Variants in P2RX1 observed in about 807,000 individuals in gnomAD.
P2RX1 encodes the protein purinergic receptor P2X 1.
P2RX1 carries 42 observed loss-of-function variants against 50.3 expected under a neutral mutation model. That is an observed-to-expected ratio of 0.83 (90% CI 0.65 to 1.08). P2RX1 has a LOEUF of 1.08. Among genes scored for constraint, P2RX1 ranks in the 50% least tolerant of loss-of-function variants. The probability of loss-of-function intolerance (pLI) is 0.00; values close to 1 mark genes in which losing one functional copy is unlikely to be tolerated. For missense variants in P2RX1, 449 were observed against 529.0 expected, an observed-to-expected ratio of 0.85 and a Z score of 1.48; for synonymous variants, 199 against 202.6, an observed-to-expected ratio of 0.98 and a Z score of 0.15.
intron 1 of P2RX1, among the ~76,000 whole-genome samples, chr17:3,909,824 T>C (rs1188488313): frequency 6.6e-6 from 1 of 152,198 alleles, no homozygotes; most frequent in African/African-American, 2.4e-5. Context: ...CAAATGACGA[T>C]GGGGCTATAA....
chr17:3,903,610 G>T lies in P2RX1; in HGVS notation c.546C>A (p.Ala182=), dbSNP rs776151732. Residue 182 remains alanine, a synonymous_variant, in exon 6 of 12, where the codon GCC becomes GCA. Transcript: ENST00000225538. This position sits in a 1 kb window ranked among gnomAD's most constrained non-coding sequence, Gnocchi z 4.6. Reference sequence around the variant, plus strand: ...TCTTGATGAAAAGAGTGAAGTTCTCGGCCTCTCGGAGAAGGGCAGGGCTGG... The same window carrying T: ...TCTTGATGAAAAGAGTGAAGTTCTCTGCCTCTCGGAGAAGGGCAGGGCTGG... The part of the protein sequence containing the change: ...DIPRPALLRE[A]ENFTLFIKNS... 6.2e-7 allele frequency: 1 copy of T among 1,614,020 alleles called. No homozygotes were observed. The highest frequency in any genetic ancestry group is 8.5e-7 in the Non-Finnish European group (1 of 1,180,026).
At position 3,915,550 on chromosome 17, in the gene P2RX1, G is replaced by A. The variant is rs543759376; in HGVS notation, c.137+539C>T. Reference sequence around the variant, plus strand: ...GGACCAGAACCAATCTCTGTCCTCCGCCTGACATGCCAACATGAAGGCACC... The same window carrying A: ...GGACCAGAACCAATCTCTGTCCTCCACCTGACATGCCAACATGAAGGCACC... On this transcript the variant is annotated intron_variant, in intron 1 of 11. Coordinates refer to ENST00000225538, the MANE Select transcript of P2RX1 (RefSeq NM_002558.4). 345 of 456,674 alleles carry A rather than the reference G, an allele frequency of 7.6e-4. 3 individuals are homozygous for A. The highest frequency in any genetic ancestry group is 3.4e-3 in the South Asian group (220 of 64,570). 28.3% of individuals were successfully genotyped at this position (456,674 alleles called of 1,614,324 possible). A position where few individuals can be genotyped will look rare whatever the true frequency, so the allele number is the denominator to read the frequency against.
chr17:3,904,045 C>G (rs2056208654), intron 4 of P2RX1, 21 bp from the exon 5 acceptor site: 3 of 1,601,702 alleles, frequency 1.9e-6, no homozygotes, highest in East Asian at 2.2e-5. Context: ...AGGGAAACCC[C>G]TGGGTGCCTG....
At position 3,903,057 on chromosome 17, in the gene P2RX1, C is replaced by T; in HGVS notation, c.747+145G>A. On this transcript the variant is annotated intron_variant, in intron 7 of 11. Transcript: ENST00000225538. The surrounding 1 kb of genome is among the most constrained non-coding windows in gnomAD (Gnocchi z 4.6). ...CTGCTGAAGACATGGATCTGACGCT[C>T]AGGGGGCCCCAGTATCAGGGGACAG... 1.8e-6 allele frequency: 2 copies of T among 1,103,388 alleles called. No homozygotes were observed. The highest frequency in any genetic ancestry group is 2.6e-5 in the East Asian group (1 of 39,010). 68.3% of individuals were successfully genotyped at this position (1,103,388 alleles called of 1,614,324 possible).
rs1426406440 is a variant in P2RX1 at position 3,903,660 on chromosome 17, C to T, written c.525-29G>A. ...GAGGACACCACACGCACTCACCGCC[C>T]CTCCCCAGGAGGCCCCCTGTGTGTC... On this transcript the variant is annotated intron_variant, in intron 5 of 11. Coordinates refer to ENST00000225538, the MANE Select transcript of P2RX1 (RefSeq NM_002558.4). This position sits in a 1 kb window ranked among gnomAD's most constrained non-coding sequence, Gnocchi z 4.6. The T allele has an allele frequency of 6.2e-7, 1 of 1,609,594 alleles. No individual in the cohort carries two copies. The highest frequency in any genetic ancestry group is 8.5e-7 in the Non-Finnish European group (1 of 1,176,476).
intron 1 of P2RX1, among the ~76,000 whole-genome samples, chr17:3,905,997 G>A (rs775245069): frequency 3.0e-4 from 46 of 152,320 alleles, no homozygotes; most frequent in East Asian, 1.3e-3. Context: ...AACAGAGCAC[G>A]AAGGCTGAGA....
chr17:3,903,746 G>C lies in P2RX1; in HGVS notation c.525-115C>G. Reference sequence around the variant, plus strand: ...GCCTCCGGGACCCGCCTGCAGCCCTGGGCTGGTGGAGGGGTGGGTGTGCTC... The same window carrying C: ...GCCTCCGGGACCCGCCTGCAGCCCTCGGCTGGTGGAGGGGTGGGTGTGCTC... On this transcript the variant is annotated intron_variant, in intron 5 of 11. Coordinates refer to ENST00000225538, the MANE Select transcript of P2RX1 (RefSeq NM_002558.4). The surrounding 1 kb of genome is among the most constrained non-coding windows in gnomAD (Gnocchi z 4.6). The C allele has an allele frequency of 2.4e-6, 3 of 1,241,332 alleles. No homozygotes were observed. Among genetic ancestry groups the C allele is most frequent in the Non-Finnish European group, 3.5e-6 (3 of 851,256 alleles). The allele number at this position is 1,241,332 out of a possible 1,614,324, so 76.9% of individuals were successfully genotyped here.
chr17:3,902,666 G>A (rs189946831), intron 7 of P2RX1, among the ~76,000 whole-genome samples: 69 of 150,920 alleles, frequency 4.6e-4, no homozygotes, highest in African/African-American at 1.6e-3. Context: ...GGAGTGCAGT[G>A]GCGCAATCTT....
At position 3,903,786 on chromosome 17, in the gene P2RX1, C is replaced by G; in HGVS notation, c.524+142G>C. The stretch of plus-strand genomic sequence containing the variant: ...TGGGTGTGCTCTAGCGTGGCCAGGA[C>G]CCAGGGGAATCTTCAGCCTAGGTTG... On this transcript the variant is annotated intron_variant, in intron 5 of 11. Transcript: ENST00000225538. The surrounding 1 kb of genome is among the most constrained non-coding windows in gnomAD (Gnocchi z 4.6). The G allele has an allele frequency of 3.6e-6, 4 of 1,099,882 alleles. No individual in the cohort carries two copies. The highest frequency in any genetic ancestry group is 5.5e-6 in the Non-Finnish European group (4 of 728,178). The allele number at this position is 1,099,882 out of a possible 1,614,324, so 68.1% of individuals were successfully genotyped here. A position where few individuals can be genotyped will look rare whatever the true frequency, so the allele number is the denominator to read the frequency against.
At chr17:3,915,560 C>A in intron 1 of P2RX1, 1 of 456,718 alleles carries the variant, frequency 2.2e-6, no homozygotes, top group Non-Finnish European at 4.4e-6. Context: ...GCCTGACATG[C>A]CAACATGAAG....
Position 3,899,541 on chromosome 17 carries a change from C to T in P2RX1, c.875+93G>A, listed in dbSNP as rs1364677739. The T allele has an allele frequency of 5.8e-6, 9 of 1,547,722 alleles. No individual in the cohort carries two copies. The African/African-American group carries it at 1.2e-4, about 21-fold the overall frequency. ...GCTGCCCAGGACCCTCTGCTCCCCT[C>T]TGGGGACACTTTCTCAGACCTGAAG... On this transcript the variant is annotated intron_variant, in intron 8 of 11. Transcript: ENST00000225538.
At chr17:3,911,711 CT>C (rs1324977033) in intron 1 of P2RX1, among the ~76,000 whole-genome samples, 1 of 152,244 alleles carries the variant, frequency 6.6e-6, no homozygotes, top group Non-Finnish European at 1.5e-5. Context: ...GCCATCGCCC[CT>C]GCTCTCCCTT....
At chr17:3,907,330 G>GTGTGTTA (rs1324457140) in intron 1 of P2RX1, among the ~76,000 whole-genome samples, 1 of 40,862 alleles carries the variant, frequency 2.4e-5, no homozygotes, top group East Asian at 8.2e-4. Flanking sequence ...TGTGTGTGTT[G>GTGTGTTA]GGGTATGGGG....
intron 8 of P2RX1, 58 bp downstream of exon 8, chr17:3,899,576 A>G: frequency 1.2e-6 from 2 of 1,604,038 alleles, no homozygotes; most frequent in Non-Finnish European, 1.7e-6. Context: ...GTGTTCTGGG[A>G]GTAGAAAAGC....
intron 7 of P2RX1, among the ~76,000 whole-genome samples, chr17:3,900,111 A>C (rs2056109736): frequency 6.8e-6 from 1 of 147,290 alleles, no homozygotes; most frequent in South Asian, 2.2e-4. Flanking sequence ...AAAACAAACA[A>C]ACAAAAAAAG....
At chr17:3,915,472 C>A (rs1254477451) in intron 1 of P2RX1, 1 of 456,540 alleles carries the variant, frequency 2.2e-6, no homozygotes, top group Non-Finnish European at 4.4e-6. Flanking sequence ...ATTCTGCACT[C>A]CCAGCCCGGT....
In P2RX1 at chr17:3,897,832, C is replaced by T; in HGVS notation, c.1182G>A (p.Glu394=). ...CCGAGCATCAGGATGTCCTCATGTT[C>T]TCCTGCAGGCCCAGGGTGGAGCTGG... ...AATSSTLGLQ[E]NMRTS The change falls in exon 12 of 12, where the codon GAG becomes GAA. Residue 394 remains glutamate, a synonymous_variant. Coordinates refer to ENST00000225538, the MANE Select transcript of P2RX1 (RefSeq NM_002558.4). The T allele has an allele frequency of 6.2e-7, 1 of 1,613,458 alleles. No homozygotes were observed. Among genetic ancestry groups the T allele is most frequent in the Non-Finnish European group, 8.5e-7 (1 of 1,180,000 alleles).
intron 1 of P2RX1, chr17:3,915,347 C>G (rs1196248437): frequency 2.4e-6 from 1 of 412,942 alleles, no homozygotes; most frequent in Non-Finnish European, 4.9e-6. Flanking sequence ...GACACACACC[C>G]AGACACATAT....
chr17:3,897,628 C>T lies in P2RX1; in HGVS notation c.*186G>A, dbSNP rs535987777. ...AGGGCTCCCTCAGGGTGTGTGGGGT[C>T]GGAGCCGGAGCTCAGATTTGCACAG... is the stretch of plus-strand genomic sequence containing the variant. On this transcript the variant is annotated 3_prime_UTR_variant, in exon 12 of 12. Transcript: ENST00000225538. 1.5e-4 allele frequency: 96 copies of T among 640,914 alleles called. No homozygotes were observed. The Admixed American group carries it at 2.1e-3, about 14-fold the overall frequency. The allele number at this position is 640,914 out of a possible 1,614,324, so 39.7% of individuals were successfully genotyped here. A position where few individuals can be genotyped will look rare whatever the true frequency, so the allele number is the denominator to read the frequency against.
Sources: gnomAD v4.1 joint callset for allele counts (sites outside exome capture counted in the v4.1 genomes callset) on GRCh38, gnomAD v4.1.1 for gene constraint, Gnocchi (gnomAD v3.1) non-coding constraint, MANE v1.5 for transcripts, NCBI Gene and HGNC (gene_info 2026-07-23, HGNC 2026-07-21) for gene names.